ZNF679: variants seen among roughly 807,000 people sequenced by gnomAD.
ZNF679 encodes the protein zinc finger protein 679.
Under a neutral mutation model 13.4 loss-of-function variants are expected in ZNF679, and 10 were observed. The ratio of observed to expected loss-of-function variants is 0.75; its 90% CI spans 0.46 to 1.27. ZNF679 has a LOEUF of 1.27. ZNF679 is among the 50% of genes most tolerant of loss of function. ZNF679 has a pLI of 0.00. For synonymous variants in ZNF679, 179 were observed against 162.5 expected (o/e 1.10, Z -0.77); for missense variants, 525 against 477.8 (o/e 1.10, Z -0.92).
chr7:64,229,136 A>G (rs1452219199), intron 1 of ZNF679, among the ~76,000 whole-genome samples: 1 of 152,152 alleles, frequency 6.6e-6, no homozygotes, highest in African/African-American at 2.4e-5. Context: ...TATGAGAGTC[A>G]TCACCATGTT....
chr7:64,252,218 A>G (rs1037859801), intron 2 of ZNF679, among the ~76,000 whole-genome samples: 1 of 152,208 alleles, frequency 6.6e-6, no homozygotes, highest in Non-Finnish European at 1.5e-5. Flanking sequence ...TTGACTTGAC[A>G]CATGAGTCAG....
intron 1 of ZNF679, among the ~76,000 whole-genome samples, chr7:64,236,804 A>G (rs1787718303): frequency 1.3e-5 from 2 of 151,464 alleles, no homozygotes; most frequent in Non-Finnish European, 2.9e-5. Context: ...GAAGGAAAGA[A>G]AAAGAAAGAA....
intron 4 of ZNF679, among the ~76,000 whole-genome samples, chr7:64,261,860 C>CTTTT (rs57119054): frequency 3.6e-5 from 5 of 137,378 alleles, no homozygotes; most frequent in Non-Finnish European, 4.7e-5. Context: ...TTCTTTCTTT[C>CTTTT]TTTTTTTTTT....
At chr7:64,265,847 C>G (rs1335891496) in intron 4 of ZNF679, 49 bp from the exon 5 acceptor site, 2 of 1,569,508 alleles carry the variant, frequency 1.3e-6, no homozygotes, top group African/African-American at 2.7e-5. Context: ...TAAAGTATAT[C>G]TATCTGGGTG....
Position 64,236,997 on chromosome 7 carries a change from AAGAAAAAGAAAGAAAGAAAGAAAG to A in ZNF679, c.-91+8347_-91+8370del, listed in dbSNP as rs1423508542. Among the ~76,000 whole-genome samples the A allele has an allele frequency of 1.3e-4, 7 of 52,128 alleles. No homozygotes were observed. In the East Asian group the frequency reaches 4.2e-3, roughly 32 times the overall value. The allele number at this position is 52,128 out of a possible 152,430, so 34.2% of individuals were successfully genotyped here. ...AGAAAAAGAAAGAAAGAAAGAAAGA[AAGAAAAAGAAAGAAAGAAAGAAAG>A]AAACCTATGGGTAGGGAACAGTACA... On this transcript the variant is annotated intron_variant, in intron 1 of 4. Transcript: ENST00000421025.
chr7:64,254,237 G>T (rs958707344), intron 2 of ZNF679, among the ~76,000 whole-genome samples: 1 of 151,592 alleles, frequency 6.6e-6, no homozygotes. Context: ...CAATACTCCT[G>T]CCTTAGCCTC....
At chr7:64,229,604 T>C (rs918918922) in intron 1 of ZNF679, among the ~76,000 whole-genome samples, 12 of 152,274 alleles carry the variant, frequency 7.9e-5, no homozygotes, top group Non-Finnish European at 5.9e-5. Flanking sequence ...TTGGACTGCA[T>C]TATGACACAG....
chr7:64,266,369 G>A lies in ZNF679; in HGVS notation c.736G>A (p.Gly246Ser). The stretch of plus-strand genomic sequence containing the variant: ...GAAACCCTACAGATGTGAGGAATGT[G>A]GCAAAGCTTTTACCTGGTCCTCAAC... ...GEKPYRCEEC[G>S]KAFTWSSTLT... Residue 246 changes from glycine to serine, a missense_variant, in exon 5 of 5, where the codon GGC becomes AGC. Transcript: ENST00000421025. 1.2e-6 allele frequency: 2 copies of A among 1,613,644 alleles called. No individual in the cohort carries two copies. The highest frequency in any genetic ancestry group is 1.7e-6 in the Non-Finnish European group (2 of 1,179,826).
intron 1 of ZNF679, among the ~76,000 whole-genome samples, chr7:64,229,457 G>A (rs1787606702): frequency 6.6e-6 from 1 of 152,126 alleles, no homozygotes; most frequent in Non-Finnish European, 1.5e-5. Flanking sequence ...ATCCACATAC[G>A]ACAGTCACGA....
intron 2 of ZNF679, among the ~76,000 whole-genome samples, chr7:64,257,924 T>C (rs571639974): frequency 6.6e-6 from 1 of 152,322 alleles, no homozygotes; most frequent in African/African-American, 2.4e-5. Flanking sequence ...GCAGAATCGC[T>C]TTGCACAAAG....
chr7:64,233,124 C>G (rs925341034), intron 1 of ZNF679, among the ~76,000 whole-genome samples: 2 of 151,818 alleles, frequency 1.3e-5, no homozygotes, highest in East Asian at 3.9e-4. Flanking sequence ...ACCTGTAATC[C>G]CAGGTACTTG....
intron 1 of ZNF679, among the ~76,000 whole-genome samples, chr7:64,237,452 G>T (rs2116513463): frequency 6.6e-6 from 1 of 152,266 alleles, no homozygotes; most frequent in African/African-American, 2.4e-5. Context: ...ACCCGGATGA[G>T]ACATGGAATC....
In ZNF679 at chr7:64,254,881, T is replaced by G. The variant is rs142506123; in HGVS notation, c.40-5340T>G. Among the ~76,000 whole-genome samples the G allele has an allele frequency of 2.7e-5, 4 of 150,720 alleles. No individual in the cohort carries two copies. The East Asian group carries it at 7.9e-4, about 30-fold the overall frequency. On this transcript the variant is annotated intron_variant, in intron 2 of 4. Coordinates refer to ENST00000421025, the MANE Select transcript of ZNF679 (RefSeq NM_153363.3). ...TGAGCGTGGTGACAGGTGCCTGTAA[T>G]CCCAGCTACTCAGGAGGCTGAGGCA...
chr7:64,263,884 C>T (rs1183649593), intron 4 of ZNF679, among the ~76,000 whole-genome samples: 3 of 152,116 alleles, frequency 2.0e-5, no homozygotes, highest in Non-Finnish European at 4.4e-5. Flanking sequence ...TGAATTCATA[C>T]ACTATATAAT....
chr7:64,260,385 C>A (rs1436313843), intron 3 of ZNF679, 38 bp downstream of exon 3: 2 of 1,558,798 alleles, frequency 1.3e-6, no homozygotes, highest in Admixed American at 2.2e-5. Context: ...TAATATATTT[C>A]TTTTCTCTCT....
At chr7:64,258,077 C>T (rs1462577006) in intron 2 of ZNF679, among the ~76,000 whole-genome samples, 5 of 151,966 alleles carry the variant, frequency 3.3e-5, no homozygotes, top group Admixed American at 2.6e-4. Context: ...GCGGTTCGTG[C>T]TCCCATTACT....
intron 4 of ZNF679, among the ~76,000 whole-genome samples, chr7:64,264,059 TTATACA>T (rs1365641412): frequency 1.3e-5 from 2 of 152,128 alleles, no homozygotes; most frequent in East Asian, 1.9e-4. Flanking sequence ...TTATATATAC[TTATACA>T]TATAGATAGA....
intron 2 of ZNF679, among the ~76,000 whole-genome samples, chr7:64,251,390 G>T (rs1425058878): frequency 1.3e-5 from 2 of 152,056 alleles, no homozygotes; most frequent in African/African-American, 4.8e-5. Context: ...GGAAATGGAG[G>T]TTCCAGTGAG....
chr7:64,244,481 C>G (rs893984490), intron 1 of ZNF679, among the ~76,000 whole-genome samples: 1 of 151,604 alleles, frequency 6.6e-6, no homozygotes, highest in Non-Finnish European at 1.5e-5. Context: ...TGGCCAAATG[C>G]GGCTCACCGC....
Sources: gnomAD v4.1 joint callset for allele counts (sites outside exome capture counted in the v4.1 genomes callset) on GRCh38, gnomAD v4.1.1 for gene constraint, MANE v1.5 for transcripts, NCBI Gene and HGNC (gene_info 2026-07-23, HGNC 2026-07-21) for gene names.